The following TBPL2 variants were observed in gnomAD, a reference collection of about 807,000 sequenced individuals.
TBPL2 encodes the protein TATA-box binding protein like 2.
Under a neutral mutation model 38.2 loss-of-function variants are expected in TBPL2, and 40 were observed. That is an observed-to-expected ratio of 1.05 (90% CI 0.81 to 1.36). The LOEUF (loss-of-function observed/expected upper bound fraction) is 1.36, where lower values mean the gene tolerates loss of function less well. Among genes scored for constraint, TBPL2 ranks in the 40% most tolerant of loss-of-function variants. TBPL2 has a pLI of 0.00. For synonymous variants in TBPL2, 169 were observed against 171.7 expected, an observed-to-expected ratio of 0.98 and a Z score of 0.12; for missense variants, 461 against 456.7, an observed-to-expected ratio of 1.01 and a Z score of -0.09.
intron 4 of TBPL2, among the ~76,000 whole-genome samples, chr14:55,429,792 AAAC>A (rs1250204759): frequency 2.6e-5 from 4 of 151,350 alleles, no homozygotes; most frequent in Non-Finnish European, 5.9e-5. Context: ...AAAAAAAAGA[AAAC>A]AACAAGAAAA....
intron 4 of TBPL2, 46 bp from the exon 5 acceptor site, chr14:55,429,020 C>T (rs764361991): frequency 6.1e-5 from 97 of 1,596,376 alleles, no homozygotes; most frequent in Non-Finnish European, 8.0e-5. Context: ...TCGCTACATC[C>T]TCTCAACTAC....
At chr14:55,440,589 G>A (rs1407314382) in exon 1 of TBPL2, 2 of 1,537,860 alleles carry the variant, frequency 1.3e-6, no homozygotes, top group Admixed American at 4.1e-5. Flanking sequence ...CTCGGCCCAG[G>A]TTCCTGCAGA....
chr14:55,432,969 G>T (rs1030690680), intron 4 of TBPL2, among the ~76,000 whole-genome samples: 3 of 152,092 alleles, frequency 2.0e-5, no homozygotes, highest in Non-Finnish European at 4.4e-5. Context: ...CCATTTATCT[G>T]CAATGAGGAA....
At position 55,433,610 on chromosome 14, in the gene TBPL2, G is replaced by A. The variant is rs746583353; in HGVS notation, c.788+20C>T. The A allele has an allele frequency of 6.3e-6, 10 of 1,591,902 alleles. No individual in the cohort carries two copies. In the South Asian group the frequency reaches 1.1e-4, roughly 18 times the overall value. ...ACTAAATTGTTTCTCTGGTAGGGGTGGAGGGATGATTCCTCATACCTTTTG... is the reference window on the plus strand; with the variant it reads ...ACTAAATTGTTTCTCTGGTAGGGGTAGAGGGATGATTCCTCATACCTTTTG... On this transcript the variant is annotated intron_variant, in intron 4 of 6. Transcript: ENST00000247219.
At chr14:55,439,183 C>T (rs941696850) in intron 1 of TBPL2, among the ~76,000 whole-genome samples, 5 of 151,046 alleles carry the variant, frequency 3.3e-5, no homozygotes, top group Admixed American at 6.6e-5. Flanking sequence ...AAATGAGCCA[C>T]GTGCCTCGGC....
chr14:55,419,618 C>T (rs1003831537), intron 6 of TBPL2, among the ~76,000 whole-genome samples: 17 of 152,176 alleles, frequency 1.1e-4, no homozygotes, highest in African/African-American at 3.1e-4. Flanking sequence ...TTGTTTTCAG[C>T]TTACTTGACT....
chr14:55,429,113 C>T, intron 4 of TBPL2, 139 bp from the exon 5 acceptor site: 1 of 1,038,816 alleles, frequency 9.6e-7, no homozygotes, highest in Non-Finnish European at 1.4e-6. Flanking sequence ...GTGAGGAGGA[C>T]TTACTTCCCA....
exon 1 of TBPL2, chr14:55,440,434 TCTC>T (rs1594796009): frequency 1.2e-6 from 2 of 1,612,692 alleles, no homozygotes; most frequent in South Asian, 1.1e-5. Flanking sequence ...TCCAGGTAGG[TCTC>T]CTCCTGCTCC....
chr14:55,428,709 T>TA (rs1430276201), intron 5 of TBPL2, 98 bp downstream of exon 5: 6 of 1,306,140 alleles, frequency 4.6e-6, no homozygotes, highest in Non-Finnish European at 6.3e-6. Flanking sequence ...TTTTTTTTTT[T>TA]AATCACAATT....
chr14:55,423,588 A>C (rs1369348454), intron 6 of TBPL2, among the ~76,000 whole-genome samples: 1 of 152,248 alleles, frequency 6.6e-6, no homozygotes, highest in Non-Finnish European at 1.5e-5. Flanking sequence ...TGATTTTGTT[A>C]GCCTATGAGC....
chr14:55,431,867 G>T (rs1051674934), intron 4 of TBPL2, among the ~76,000 whole-genome samples: 7 of 152,162 alleles, frequency 4.6e-5, no homozygotes, highest in African/African-American at 1.7e-4. Context: ...TCTGACTAGT[G>T]GCTATATCAT....
chr14:55,414,650 CAG>C (rs1297789985), intron 6 of TBPL2, among the ~76,000 whole-genome samples, 195 bp from the exon 7 acceptor site: 2 of 152,258 alleles, frequency 1.3e-5, no homozygotes, highest in East Asian at 1.9e-4. Flanking sequence ...AACCTTAGAG[CAG>C]AGTTTTCTAG....
chr14:55,435,722 C>T (rs1886001755), intron 3 of TBPL2, 125 bp downstream of exon 3: 1 of 673,050 alleles, frequency 1.5e-6, no homozygotes, highest in Admixed American at 3.6e-5. Flanking sequence ...CCCTGAGTTG[C>T]CAAAAGCTTT....
intron 1 of TBPL2, among the ~76,000 whole-genome samples, chr14:55,437,903 C>T (rs1047694835): frequency 6.6e-6 from 1 of 152,116 alleles, no homozygotes; most frequent in Non-Finnish European, 1.5e-5. Flanking sequence ...GTTATTGAAA[C>T]TTAAATGGTA....
chr14:55,429,766 C>CAAAA (rs71131266), intron 4 of TBPL2, among the ~76,000 whole-genome samples: 27 of 52,352 alleles, frequency 5.2e-4, no homozygotes, highest in East Asian at 2.9e-3. Context: ...AACTCCGTCT[C>CAAAA]AAAAAAAAAA....
chr14:55,430,125 G>T (rs1165568023), intron 4 of TBPL2, among the ~76,000 whole-genome samples: 1 of 152,038 alleles, frequency 6.6e-6, no homozygotes, highest in Non-Finnish European at 1.5e-5. Context: ...TTCTCCTTAG[G>T]TATTTTTCAA....
In TBPL2 at chr14:55,436,939, G is replaced by A. The variant is rs199656932; in HGVS notation, c.230C>T (p.Pro77Leu). ...AGGGTTCGAATTAAATGCAGTATCC[G>A]GATTGGATGCATTCAGTATGTACAT... Residue 77 changes from proline to leucine, a missense_variant, in exon 2 of 7, where the codon CCG becomes CTG. Transcript: ENST00000247219. The A allele has an allele frequency of 5.7e-5, 92 of 1,614,204 alleles. No homozygotes were observed. The Admixed American group carries it at 7.8e-4, about 14-fold the overall frequency.
intron 3 of TBPL2, among the ~76,000 whole-genome samples, chr14:55,434,711 C>T (rs559862474): frequency 6.6e-6 from 1 of 152,118 alleles, no homozygotes; most frequent in Non-Finnish European, 1.5e-5. Context: ...TATGAAATAT[C>T]AAAAGGAAAG....
At chr14:55,429,766 C>CAAAAAAAAAAAAAAAAAA (rs71131266) in intron 4 of TBPL2, among the ~76,000 whole-genome samples, 3 of 52,394 alleles carry the variant, frequency 5.7e-5, no homozygotes, top group Non-Finnish European at 9.7e-5. Flanking sequence ...AACTCCGTCT[C>CAAAAAAAAAAAAAAAAAA]AAAAAAAAAA....
Sources: gnomAD v4.1 joint callset for allele counts (sites outside exome capture counted in the v4.1 genomes callset) on GRCh38, gnomAD v4.1.1 for gene constraint, MANE v1.5 for transcripts, NCBI Gene and HGNC (gene_info 2026-07-23, HGNC 2026-07-21) for gene names.